The following METTL13 variants were observed in gnomAD, a reference collection of about 807,000 sequenced individuals.
METTL13 encodes the protein methyltransferase 13, eEF1A N-terminus and K55.
A neutral mutation model predicts 67.4 loss-of-function variants in METTL13; 52 were observed. The observed-to-expected ratio is 0.77, with a 90% CI of 0.62 to 0.97. METTL13 has a LOEUF of 0.97. Ranked by LOEUF, METTL13 falls within the 50% of genes least tolerant of loss-of-function variation. The probability of loss-of-function intolerance (pLI) is 0.00; values close to 1 mark genes in which losing one functional copy is unlikely to be tolerated. For missense variants in METTL13, 825 were observed against 889.6 expected (o/e 0.93, Z 0.92); for synonymous variants, 354 against 353.6 (o/e 1.00, Z -0.01).
Position 171,781,954 on chromosome 1 carries a change from T to A in METTL13, c.-14T>A. ...ATAGGGGAGTCTTGAAAACGCAGCT[T>A]CGGCAGTAGGAACATGAACCTCTTA... is the stretch of plus-strand genomic sequence containing the variant. On this transcript the variant is annotated 5_prime_UTR_variant, in exon 1 of 8. Coordinates refer to ENST00000361735, the MANE Select transcript of METTL13 (RefSeq NM_015935.5). The A allele has an allele frequency of 6.2e-7, 1 of 1,613,856 alleles. No homozygotes were observed. Among genetic ancestry groups the A allele is most frequent in the South Asian group, 1.1e-5 (1 of 91,068 alleles).
At chr1:171,790,829 A>T in intron 5 of METTL13, 1 of 436,168 alleles carries the variant, frequency 2.3e-6, no homozygotes, top group Non-Finnish European at 3.8e-6. Flanking sequence ...AATATGTTAG[A>T]GTCTAAGTGG....
intron 5 of METTL13, among the ~76,000 whole-genome samples, chr1:171,791,627 A>G (rs35249022): frequency 0.19 from 28,996 of 151,910 alleles, 2,913 homozygotes; most frequent in African/African-American, 0.23. Flanking sequence ...CACCATGCCC[A>G]GTTAATTTTT....
rs765441059 is a variant in METTL13, at chr1:171,784,278, G to A, written c.692G>A (p.Arg231His). The A allele has an allele frequency of 5.0e-6, 8 of 1,613,084 alleles. No individual in the cohort carries two copies. The highest frequency in any genetic ancestry group is 1.7e-5 in the Admixed American group (1 of 60,002). ...QIFELCAQEQ[R>H]KPVRLESAER... ...TTTGAGCTGTGTGCTCAGGAGCAGC[G>A]CAAGCCTGTGCGGCTGGAGAGTGCC... Residue 231 changes from arginine to histidine, a missense_variant, in exon 2 of 8, where the codon CGC becomes CAC. Transcript: ENST00000361735.
Position 171,781,950 on chromosome 1 carries a change from A to C in METTL13, c.-18A>C, listed in dbSNP as rs749749100. ...GGGAATAGGGGAGTCTTGAAAACGC[A>C]GCTTCGGCAGTAGGAACATGAACCT... On this transcript the variant is annotated 5_prime_UTR_variant, in exon 1 of 8. Transcript: ENST00000361735. 12 of 1,613,646 alleles carry C rather than the reference A, an allele frequency of 7.4e-6. No individual in the cohort carries two copies. In the South Asian group the frequency reaches 1.3e-4, roughly 18 times the overall value.
rs763958945 is a variant in METTL13, at chr1:171,796,545, T to C, written c.1889T>C (p.Leu630Pro). 3.1e-6 allele frequency: 5 copies of C among 1,614,206 alleles called. No individual in the cohort carries two copies. The South Asian group carries it at 5.5e-5, about 18-fold the overall frequency. Residue 630 changes from leucine (L) to proline (P), a missense_variant, in exon 8 of 8, where the codon CTC (leucine) becomes CCC (proline). Physicochemically the swap from Leu to Pro is moderately conservative, Grantham distance 98. Coordinates refer to ENST00000361735, the MANE Select transcript of METTL13 (RefSeq NM_015935.5). The part of the protein sequence containing the change: ...LGLKDSVLAG[L>P]KAVFPLLYVR... Reference sequence around the variant, plus strand: ...CTAAAAGACTCAGTGCTGGCTGGGCTCAAGGCAGTGTTCCCCCTCCTATAT... The same window carrying C: ...CTAAAAGACTCAGTGCTGGCTGGGCCCAAGGCAGTGTTCCCCCTCCTATAT...
In METTL13 at chr1:171,781,956, G is replaced by C; in HGVS notation, c.-12G>C. On this transcript the variant is annotated 5_prime_UTR_variant, in exon 1 of 8. Coordinates refer to ENST00000361735, the MANE Select transcript of METTL13 (RefSeq NM_015935.5). ...AGGGGAGTCTTGAAAACGCAGCTTC[G>C]GCAGTAGGAACATGAACCTCTTACC... The C allele has an allele frequency of 6.2e-7, 1 of 1,613,882 alleles. No homozygotes were observed. Among genetic ancestry groups the C allele is most frequent in the Non-Finnish European group, 8.5e-7 (1 of 1,179,906 alleles).
chr1:171,787,249 C>G (rs1657048378), intron 3 of METTL13, among the ~76,000 whole-genome samples: 1 of 151,918 alleles, frequency 6.6e-6, no homozygotes, highest in Non-Finnish European at 1.5e-5. Context: ...TATTTTTCTC[C>G]TAAGGTTCAG....
chr1:171,790,328 G>A (rs535411178), intron 4 of METTL13, 124 bp from the exon 5 acceptor site: 1 of 1,082,168 alleles, frequency 9.2e-7, no homozygotes, highest in African/African-American at 1.6e-5. Context: ...ATGTCAACCA[G>A]TTTGCAAAAT....
intron 7 of METTL13, 48 bp downstream of exon 7, chr1:171,794,575 C>T (rs765891825): frequency 1.2e-6 from 2 of 1,605,652 alleles, no homozygotes; most frequent in South Asian, 2.2e-5. Flanking sequence ...GGACCATTAA[C>T]AAAAATTATC....
chr1:171,796,318 A>G (rs1232854161), intron 7 of METTL13, among the ~76,000 whole-genome samples, 164 bp from the exon 8 acceptor site: 2 of 152,128 alleles, frequency 1.3e-5, no homozygotes, highest in African/African-American at 4.8e-5. Flanking sequence ...GCTTTTCTCC[A>G]TCTGCCTTTC....
chr1:171,781,675 T>C lies in METTL13; in HGVS notation c.-293T>C, dbSNP rs1023582082. The C allele has an allele frequency of 1.1e-6, 1 of 883,842 alleles. No homozygotes were observed. The highest frequency in any genetic ancestry group is 1.5e-6 in the Non-Finnish European group (1 of 674,672). The allele number at this position is 883,842 out of a possible 1,614,324, so 54.7% of individuals were successfully genotyped here. A position where few individuals can be genotyped will look rare whatever the true frequency, so the allele number is the denominator to read the frequency against. ...GAGGCTTCGCACCCGGATATGGTTA[T>C]GGGCTCGGAAATCTAGTTCGGGAAA... On this transcript the variant is annotated 5_prime_UTR_variant, in exon 1 of 8. It removes an upstream start codon present in the reference 5' UTR. Transcript: ENST00000361735.
chr1:171,796,650 T>C lies in METTL13; in HGVS notation c.1994T>C (p.Leu665Pro). Residue 665 changes from leucine (L) to proline (P), a missense_variant, in exon 8 of 8, where the codon CTC becomes CCC. Coordinates refer to ENST00000361735, the MANE Select transcript of METTL13 (RefSeq NM_015935.5). ...HPEQKLATPE[L>P]LETAQALERT... is the part of the protein sequence containing the mutation. ...GAGCAAAAACTTGCCACACCAGAGC[T>C]CCTAGAAACAGCCCAGGCTTTGGAG... is the stretch of plus-strand genomic sequence containing the variant. The C allele has an allele frequency of 6.2e-7, 1 of 1,614,114 alleles. No individual in the cohort carries two copies. The highest frequency in any genetic ancestry group is 8.5e-7 in the Non-Finnish European group (1 of 1,180,008).
At chr1:171,785,310 C>G (rs144134010) in intron 2 of METTL13, among the ~76,000 whole-genome samples, 11 of 152,248 alleles carry the variant, frequency 7.2e-5, no homozygotes, top group African/African-American at 2.6e-4. Context: ...AATTTGTTTC[C>G]TGGTGACTGA....
At chr1:171,796,265 A>G (rs1411203002) in intron 7 of METTL13, among the ~76,000 whole-genome samples, 1 of 152,208 alleles carries the variant, frequency 6.6e-6, no homozygotes, top group Non-Finnish European at 1.5e-5. Context: ...CAGAAGAGCA[A>G]GAAATAAGGC....
intron 7 of METTL13, among the ~76,000 whole-genome samples, chr1:171,795,959 C>A (rs943944722): frequency 9.2e-5 from 14 of 152,186 alleles, no homozygotes; most frequent in African/African-American, 3.4e-4. Context: ...TCTCCTGCCT[C>A]AGCCCCACTA....
At chr1:171,796,115 C>G (rs576486960) in intron 7 of METTL13, among the ~76,000 whole-genome samples, 1 of 152,310 alleles carries the variant, frequency 6.6e-6, no homozygotes, top group South Asian at 2.1e-4. Flanking sequence ...GATCCGCCTG[C>G]CTCAGCCTCC....
At chr1:171,784,636 C>A (rs774867975) in intron 2 of METTL13, 137 bp downstream of exon 2, 24 of 1,155,846 alleles carry the variant, frequency 2.1e-5, no homozygotes, top group Non-Finnish European at 2.6e-5. Context: ...GGGGTTTGTA[C>A]TTCCAGAGGA....
At chr1:171,796,433 A>G (rs901435452) in intron 7 of METTL13, 49 bp from the exon 8 acceptor site, 8 of 1,596,908 alleles carry the variant, frequency 5.0e-6, no homozygotes, top group South Asian at 1.1e-5. Context: ...CTTGTCTTTC[A>G]TATGTCTCCT....
intron 6 of METTL13, among the ~76,000 whole-genome samples, chr1:171,793,653 C>G (rs1012056548): frequency 6.6e-6 from 1 of 152,206 alleles, no homozygotes; most frequent in African/African-American, 2.4e-5. Flanking sequence ...CATTGCAGAC[C>G]TACCCCTTAT....
Sources: allele counts gnomAD v4.1 joint callset (sites outside exome capture counted in the v4.1 genomes callset), GRCh38; gene constraint gnomAD v4.1.1; transcripts MANE v1.5; gene names NCBI Gene and HGNC (gene_info 2026-07-23, HGNC 2026-07-21).